Variants in TRIM55 observed in about 807,000 individuals in gnomAD.
The protein encoded by TRIM55 is tripartite motif-containing protein 55.
TRIM55 carries 50 observed loss-of-function variants against 60.9 expected under a neutral mutation model. The ratio of observed to expected loss-of-function variants is 0.82; its 90% confidence interval spans 0.65 to 1.04. The LOEUF (loss-of-function observed/expected upper bound fraction) is 1.04, where lower values mean the gene tolerates loss of function less well. Ranked by LOEUF, TRIM55 falls within the 50% of genes least tolerant of loss-of-function variation. The probability of loss-of-function intolerance (pLI) is 0.00; values close to 1 mark genes in which losing one functional copy is unlikely to be tolerated. For missense variants in TRIM55, 681 were observed against 666.9 expected (o/e 1.02, Z -0.23); for synonymous variants, 237 against 238.1 (o/e 1.00, Z 0.04).
chr8:66,134,902 A>C, intron 2 of TRIM55, 88 bp from the exon 3 acceptor site: 1 of 1,399,914 alleles, frequency 7.1e-7, no homozygotes, highest in Non-Finnish European at 9.7e-7. Flanking sequence ...AAGAGAAGGA[A>C]TTTGCAAGGC....
intron 9 of TRIM55, among the ~76,000 whole-genome samples, chr8:66,172,587 A>T (rs1811702443): frequency 6.6e-6 from 1 of 152,270 alleles, no homozygotes; most frequent in Non-Finnish European, 1.5e-5. Context: ...AACATTTTAA[A>T]TGGAAGATAG....
chr8:66,148,320 C>A (rs1182708821), intron 4 of TRIM55, among the ~76,000 whole-genome samples: 1 of 152,268 alleles, frequency 6.6e-6, no homozygotes, highest in African/African-American at 2.4e-5. Context: ...GCAAGCCAGA[C>A]TTCCAACACA....
chr8:66,155,670 C>T lies in TRIM55; in HGVS notation c.1524+1336C>T, dbSNP rs757979410. 4 of 1,613,100 alleles carry T rather than the reference C, an allele frequency of 2.5e-6. No homozygotes were observed. The African/African-American group carries it at 4.0e-5, about 16-fold the overall frequency. ...TTTTGGCTTTTCTTATTCTTCACTA[C>T]ATCTGGAGTCAGATTCAGTGCTTGA... On this transcript the variant is annotated intron_variant, in intron 9 of 9. Coordinates refer to ENST00000315962, the MANE Select transcript of TRIM55 (RefSeq NM_184085.2).
At chr8:66,150,069 A>G in intron 5 of TRIM55, 148 bp from the exon 6 acceptor site, 1 of 1,024,872 alleles carries the variant, frequency 9.8e-7, no homozygotes, top group Non-Finnish European at 1.4e-6. Context: ...GCTTAAATCT[A>G]ATAGGGTTCT....
At chr8:66,138,203 T>C (rs1297987638) in intron 4 of TRIM55, among the ~76,000 whole-genome samples, 1 of 152,198 alleles carries the variant, frequency 6.6e-6, no homozygotes, top group Non-Finnish European at 1.5e-5. Context: ...TTATTTCCCG[T>C]TATCCTCATT....
chr8:66,131,688 G>A (rs557369730), intron 2 of TRIM55, among the ~76,000 whole-genome samples: 5 of 152,216 alleles, frequency 3.3e-5, no homozygotes, highest in East Asian at 1.9e-4. Context: ...GTCTGTCACC[G>A]CCTACTTCCA....
chr8:66,152,903 TTGTGTGTGTGTGTGTGTGTGTG>T (rs59283692), intron 8 of TRIM55, among the ~76,000 whole-genome samples: 2 of 140,390 alleles, frequency 1.4e-5, no homozygotes, highest in Admixed American at 7.2e-5. Flanking sequence ...TGTCTGGAAA[TTGTGTGTGTGTGTGTGTGTGTG>T]TGTGTGTGTG....
At chr8:66,130,379 G>A (rs1009756509) in intron 2 of TRIM55, among the ~76,000 whole-genome samples, 5 of 152,114 alleles carry the variant, frequency 3.3e-5, no homozygotes, top group African/African-American at 7.2e-5. Flanking sequence ...ATTTTACTTG[G>A]TAGCAAAACC....
chr8:66,122,059 C>G (rs531565888), upstream of TRIM55, among the ~76,000 whole-genome samples: 1 of 152,212 alleles, frequency 6.6e-6, no homozygotes, highest in Non-Finnish European at 1.5e-5. Context: ...CACACCCACC[C>G]CATGGATTGG....
chr8:66,140,808 C>T (rs1006287784), intron 4 of TRIM55, among the ~76,000 whole-genome samples: 1 of 152,220 alleles, frequency 6.6e-6, no homozygotes, highest in Non-Finnish European at 1.5e-5. Context: ...TCCTTTCTGG[C>T]TTTGCTCCCA....
At chr8:66,114,248 G>T in the TRIM55 span, among the ~76,000 whole-genome samples, 29 of 152,276 alleles carry the variant, frequency 1.9e-4, no homozygotes, top group East Asian at 1.2e-3. Context: ...CGGGATCGAT[G>T]CCCGCATCCT....
At chr8:66,122,959 G>A (rs773499283), upstream of TRIM55, among the ~76,000 whole-genome samples, 6 of 152,152 alleles carry the variant, frequency 3.9e-5, no homozygotes, top group Non-Finnish European at 7.4e-5. Context: ...TGTCTCTTCT[G>A]AGGAAAATCT....
chr8:66,151,880 A>AT (rs1810446357), intron 7 of TRIM55, among the ~76,000 whole-genome samples: 2 of 151,106 alleles, frequency 1.3e-5, no homozygotes, highest in African/African-American at 4.8e-5. Context: ...AAATAAATAA[A>AT]TAAATAAATA....
intron 1 of TRIM55, 134 bp downstream of exon 1, chr8:66,127,570 T>C: frequency 9.9e-7 from 1 of 1,008,764 alleles, no homozygotes; most frequent in Middle Eastern, 3.2e-4. Context: ...CTCACGCCTG[T>C]AGTCCCAGCA....
intron 2 of TRIM55, among the ~76,000 whole-genome samples, chr8:66,132,828 GAA>G (rs1809242950): frequency 6.6e-6 from 1 of 152,032 alleles, no homozygotes. Context: ...ACCCAATGAG[GAA>G]TATGGGAAAT....
intron 1 of TRIM55, among the ~76,000 whole-genome samples, chr8:66,128,092 C>T (rs1454201719): frequency 6.6e-6 from 1 of 152,108 alleles, no homozygotes; most frequent in Non-Finnish European, 1.5e-5. Context: ...GGAAAAGCAC[C>T]TTACGTGGAC....
Position 66,150,482 on chromosome 8 carries a change from G to T in TRIM55, c.985+16G>T, listed in dbSNP as rs779509392. ...TTTTACAGAGGTTTGTTATTCTTTT[G>T]ACCATTTGGCCGAAGTTGCAGGTGT... On this transcript the variant is annotated intron_variant, in intron 7 of 9. Coordinates refer to ENST00000315962, the MANE Select transcript of TRIM55 (RefSeq NM_184085.2). The T allele has an allele frequency of 6.2e-7, 1 of 1,613,382 alleles. No individual in the cohort carries two copies. The highest frequency in any genetic ancestry group is 1.1e-5 in the South Asian group (1 of 90,914).
Position 66,127,164 on chromosome 8 carries a change from T to A in TRIM55, c.-105T>A, listed in dbSNP as rs1050088696. 5.6e-6 allele frequency: 7 copies of A among 1,257,042 alleles called. No homozygotes were observed. In the African/African-American group the frequency reaches 1.1e-4, roughly 19 times the overall value. 77.9% of individuals were successfully genotyped at this position (1,257,042 alleles called of 1,614,324 possible). ...ACAATGTCCTCCACCGAGAGAAACGTAAAGGACACTTGATCACACAATCCC... is the reference window on the plus strand; with the variant it reads ...ACAATGTCCTCCACCGAGAGAAACGAAAAGGACACTTGATCACACAATCCC... On this transcript the variant is annotated 5_prime_UTR_variant, in exon 1 of 10. Transcript: ENST00000315962.
intron 4 of TRIM55, among the ~76,000 whole-genome samples, chr8:66,146,214 G>A (rs1417564337): frequency 6.6e-6 from 1 of 152,130 alleles, no homozygotes; most frequent in Non-Finnish European, 1.5e-5. Flanking sequence ...GACCGCATAT[G>A]GGGTAGCATT....
Sources: gnomAD v4.1 joint callset for allele counts (sites outside exome capture counted in the v4.1 genomes callset) on GRCh38, gnomAD v4.1.1 for gene constraint, MANE v1.5 for transcripts, NCBI Gene and HGNC (gene_info 2026-07-23, HGNC 2026-07-21) for gene names.